The following SNX29 variants were observed in gnomAD, a reference collection of about 807,000 sequenced individuals.
SNX29 encodes the protein sorting nexin-29.
A neutral mutation model predicts 102.1 loss-of-function variants in SNX29; 78 were observed. That is an observed-to-expected ratio of 0.76 (90% CI 0.64 to 0.92). SNX29 has a LOEUF of 0.92. SNX29 is among the 40% of genes least tolerant of loss of function. The pLI is 0.00. For missense variants in SNX29, 1,280 were observed against 1,061.7 expected (o/e 1.21, Z -2.86); for synonymous variants, 580 against 414.5 (o/e 1.40, Z -4.85).
At chr16:12,319,471 G>A (rs150686695) in intron 15 of SNX29, among the ~76,000 whole-genome samples, 10 of 152,278 alleles carry the variant, frequency 6.6e-5, no homozygotes, top group African/African-American at 2.2e-4. Context: ...GTGACAGAGC[G>A]AGACCCTGTC....
chr16:12,002,169 C>G (rs1351142917), intron 2 of SNX29, among the ~76,000 whole-genome samples: 1 of 152,014 alleles, frequency 6.6e-6, no homozygotes, highest in Non-Finnish European at 1.5e-5. Flanking sequence ...CCTGCAGGGC[C>G]GGGCGCATTG....
At position 12,476,419 on chromosome 16, in the gene SNX29, T is replaced by TAC. The variant is rs1567603402; in HGVS notation, c.2038-1299_2038-1298insCA. Among the ~76,000 whole-genome samples, 13 of 41,198 alleles carry TAC rather than the reference T, an allele frequency of 3.2e-4. 2 individuals are homozygous for TAC. The highest frequency in any genetic ancestry group is 4.5e-4 in the Non-Finnish European group (10 of 22,090). The allele number at this position is 41,198 out of a possible 152,430, so 27.0% of individuals were successfully genotyped here. On this transcript the variant is annotated intron_variant, in intron 18 of 20. Coordinates refer to ENST00000566228, the MANE Select transcript of SNX29 (RefSeq NM_032167.5). Reference sequence around the variant, plus strand: ...ATATATATATATATATATACATATATATATATATATATATATATATATATG... The same window carrying TAC: ...ATATATATATATATATATACATATATACATATATATATATATATATATATATG...
chr16:12,073,961 G>A (rs540774859), intron 10 of SNX29, among the ~76,000 whole-genome samples: 5 of 152,130 alleles, frequency 3.3e-5, no homozygotes, highest in Non-Finnish European at 5.9e-5. Context: ...TTGGTTTAAA[G>A]TCTCTTTTAT....
At chr16:12,501,370 C>G (rs191648237) in intron 19 of SNX29, among the ~76,000 whole-genome samples, 8 of 152,246 alleles carry the variant, frequency 5.3e-5, no homozygotes. Flanking sequence ...CACCACTACA[C>G]TCCAGCCTGG....
intron 19 of SNX29, among the ~76,000 whole-genome samples, chr16:12,510,751 C>G (rs2089580604): frequency 1.3e-5 from 2 of 152,122 alleles, no homozygotes; most frequent in African/African-American, 4.8e-5. Context: ...GCTGTCCAGC[C>G]TGCAGTTTGC....
chr16:12,251,288 A>G (rs1255439970), intron 14 of SNX29, among the ~76,000 whole-genome samples: 2 of 152,246 alleles, frequency 1.3e-5, no homozygotes, highest in African/African-American at 4.8e-5. Context: ...GACTTAGAAC[A>G]GCAGAAAAAA....
chr16:12,199,075 T>C (rs1339372756), intron 13 of SNX29, among the ~76,000 whole-genome samples: 1 of 152,106 alleles, frequency 6.6e-6, no homozygotes. Context: ...TATGCCACAA[T>C]CTCCTTATCT....
At chr16:12,535,029 G>C (rs1009373366) in intron 20 of SNX29, among the ~76,000 whole-genome samples, 3 of 152,204 alleles carry the variant, frequency 2.0e-5, no homozygotes, top group Admixed American at 2.0e-4. Flanking sequence ...TGGCTCGTTG[G>C]GTCTTATAAA....
intron 13 of SNX29, among the ~76,000 whole-genome samples, chr16:12,190,593 G>C (rs1009002534): frequency 1.3e-5 from 2 of 152,156 alleles, no homozygotes; most frequent in Non-Finnish European, 2.9e-5. Context: ...AGATGGGAGA[G>C]TTGCAGACAG....
intron 18 of SNX29, among the ~76,000 whole-genome samples, chr16:12,464,689 A>G (rs1395985482): frequency 6.6e-6 from 1 of 152,168 alleles, no homozygotes; most frequent in African/African-American, 2.4e-5. Flanking sequence ...TCCTGGCCTC[A>G]AGGGATCCTC....
intron 14 of SNX29, among the ~76,000 whole-genome samples, chr16:12,229,507 A>G (rs774453296): frequency 6.6e-6 from 1 of 152,172 alleles, no homozygotes; most frequent in Non-Finnish European, 1.5e-5. Context: ...TACTTTTGTG[A>G]CTTATGTCCA....
At chr16:12,299,988 AG>A (rs111838527) in intron 15 of SNX29, among the ~76,000 whole-genome samples, 4,801 of 152,166 alleles carry the variant, frequency 0.032, 122 homozygotes, top group Admixed American at 0.062. Flanking sequence ...CTCCTGCCTC[AG>A]CCTCCTGAGT....
intron 20 of SNX29, among the ~76,000 whole-genome samples, chr16:12,565,421 C>T (rs897260150): frequency 2.1e-5 from 3 of 142,148 alleles, no homozygotes; most frequent in Non-Finnish European, 3.0e-5. Context: ...AAATGAAGCC[C>T]ATCCTCCCGT....
chr16:12,558,291 C>T (rs571771986), intron 20 of SNX29, among the ~76,000 whole-genome samples: 4 of 152,180 alleles, frequency 2.6e-5, no homozygotes, highest in South Asian at 2.1e-4. Context: ...AGCTCTGAAA[C>T]GCGAGATGGC....
chr16:12,520,910 C>T (rs756781800), intron 19 of SNX29, among the ~76,000 whole-genome samples: 6 of 152,138 alleles, frequency 3.9e-5, no homozygotes, highest in Admixed American at 1.3e-4. Context: ...CTAAAGAACT[C>T]GTTCAAGGCC....
At chr16:12,471,258 G>A (rs865932179) in intron 18 of SNX29, among the ~76,000 whole-genome samples, 4 of 152,318 alleles carry the variant, frequency 2.6e-5, no homozygotes, top group Middle Eastern at 3.4e-3. Flanking sequence ...GGGAGTGCAT[G>A]TTTGTGTGTG....
In SNX29 at chr16:12,218,041, C is replaced by T. The variant is rs114253284; in HGVS notation, c.1678+18358C>T. Among the ~76,000 whole-genome samples the T allele has an allele frequency of 3.1e-3, 472 of 152,286 alleles. 4 individuals carry two copies. The highest frequency in any genetic ancestry group is 0.011 in the African/African-American group (443 of 41,532). On this transcript the variant is annotated intron_variant, in intron 14 of 20. Coordinates refer to ENST00000566228, the MANE Select transcript of SNX29 (RefSeq NM_032167.5). ...TTTAGCTGGAGAGTTCCAATTATGACAGTTGACATCCAATTAAATATGAAT... is the reference window on the plus strand; with the variant it reads ...TTTAGCTGGAGAGTTCCAATTATGATAGTTGACATCCAATTAAATATGAAT...
chr16:12,412,895 A>T (rs759912334), intron 18 of SNX29, among the ~76,000 whole-genome samples: 15 of 152,300 alleles, frequency 9.8e-5, no homozygotes, highest in Non-Finnish European at 1.5e-5. Flanking sequence ...GGAATTGGTG[A>T]CACTTTCTAG....
In SNX29 at chr16:12,523,985, C is replaced by G. The variant is rs1408616560; in HGVS notation, c.2179-717C>G. ...CACCACAGCCTCTGCCTCCCGGGTT[C>G]AAGTGATTGTCCTGCCTCAGCCAAG... On this transcript the variant is annotated intron_variant, in intron 19 of 20. Transcript: ENST00000566228. Among the ~76,000 whole-genome samples, 4 of 152,248 alleles carry G rather than the reference C, an allele frequency of 2.6e-5. No homozygotes were observed. The East Asian group carries it at 7.7e-4, about 29-fold the overall frequency.
Sources: allele counts gnomAD v4.1 joint callset (sites outside exome capture counted in the v4.1 genomes callset), GRCh38; gene constraint gnomAD v4.1.1; transcripts MANE v1.5; gene names NCBI Gene and HGNC (gene_info 2026-07-23, HGNC 2026-07-21).